The following BMP2K variants were observed in gnomAD, a reference collection of about 807,000 sequenced individuals.
BMP2K encodes the protein BMP-2-inducible protein kinase.
BMP2K carries 74 observed loss-of-function variants against 116.0 expected under a neutral mutation model. The observed-to-expected ratio is 0.64, with a 90% CI of 0.53 to 0.77. The LOEUF (loss-of-function observed/expected upper bound fraction) is 0.77. Ranked by LOEUF, BMP2K falls within the 30% of genes least tolerant of loss-of-function variation. The pLI is 0.00. For missense variants in BMP2K, 1,365 were observed against 1,403.6 expected, an observed-to-expected ratio of 0.97 and a Z score of 0.44; for synonymous variants, 486 against 502.5, an observed-to-expected ratio of 0.97 and a Z score of 0.44.
intron 4 of BMP2K, among the ~76,000 whole-genome samples, chr4:78,844,076 A>T (rs1730886140): frequency 6.6e-6 from 1 of 151,892 alleles, no homozygotes; most frequent in African/African-American, 2.4e-5. Context: ...TAAGACTATC[A>T]TAAAAATAAA....
At chr4:78,895,034 C>CA (rs1469734277) in intron 15 of BMP2K, among the ~76,000 whole-genome samples, 1 of 151,726 alleles carries the variant, frequency 6.6e-6, no homozygotes, top group African/African-American at 2.4e-5. Context: ...TTGTGGAGCC[C>CA]AAAACAATTA....
rs982285371 is a variant in BMP2K at position 78,791,501 on chromosome 4, A to G, written c.178+14780A>G. ...ATAATCATTTTTAAGTGTACAGTTT[A>G]GTGGCATCAAGTACATTCAAATTGT... On this transcript the variant is annotated intron_variant, in intron 1 of 15. Transcript: ENST00000502613. Among the ~76,000 whole-genome samples the G allele has an allele frequency of 2.0e-5, 3 of 152,056 alleles. No homozygotes were observed. In the East Asian group the frequency reaches 5.8e-4, roughly 29 times the overall value.
intron 10 of BMP2K, 34 bp from the exon 11 acceptor site, chr4:78,870,749 G>A (rs1732288787): frequency 6.4e-7 from 1 of 1,570,210 alleles, no homozygotes; most frequent in South Asian, 1.2e-5. Context: ...GAAATCATTA[G>A]TATGTTAATG....
At chr4:78,829,787 T>TTCTTTTCTTTTCTCTTCTCTTCTC (rs1730090588) in intron 2 of BMP2K, among the ~76,000 whole-genome samples, 2 of 86,592 alleles carry the variant, frequency 2.3e-5, no homozygotes, top group African/African-American at 8.4e-5. Context: ...TTTCTTTTCT[T>TTCTTTTCTTTTCTCTTCTCTTCTC]TTCTCTTCTC....
At chr4:78,824,710 T>C (rs1360018601) in intron 1 of BMP2K, among the ~76,000 whole-genome samples, 1 of 152,214 alleles carries the variant, frequency 6.6e-6, no homozygotes, top group Non-Finnish European at 1.5e-5. Flanking sequence ...TTATTATTGC[T>C]CAGGATGCTG....
intron 1 of BMP2K, among the ~76,000 whole-genome samples, chr4:78,823,524 A>G (rs188279786): frequency 2.7e-5 from 4 of 147,786 alleles, no homozygotes; most frequent in Non-Finnish European, 4.5e-5. Flanking sequence ...TTATATATAT[A>G]GTTATATATA....
At chr4:78,813,482 T>C (rs1393582992) in intron 1 of BMP2K, among the ~76,000 whole-genome samples, 1 of 152,216 alleles carries the variant, frequency 6.6e-6, no homozygotes, top group Non-Finnish European at 1.5e-5. Context: ...AATAAGACTT[T>C]GCATGATCTG....
intron 1 of BMP2K, among the ~76,000 whole-genome samples, chr4:78,806,058 C>T (rs896281368): frequency 5.3e-5 from 8 of 152,122 alleles, no homozygotes; most frequent in Admixed American, 4.6e-4. Context: ...ATCCTGAGAA[C>T]ATGAGCTCCT....
chr4:78,842,620 T>C (rs1175198461), intron 4 of BMP2K, 93 bp downstream of exon 4: 1 of 1,230,978 alleles, frequency 8.1e-7, no homozygotes, highest in African/African-American at 1.5e-5. Context: ...AAAACTGGCT[T>C]TGAGGTTGGT....
intron 3 of BMP2K, among the ~76,000 whole-genome samples, chr4:78,837,438 A>AC: frequency 6.6e-6 from 1 of 152,106 alleles, no homozygotes; most frequent in East Asian, 1.9e-4. Flanking sequence ...CAAGTGATCC[A>AC]CCTGCCTCGG....
chr4:78,833,947 G>T (rs1210569911), intron 3 of BMP2K, among the ~76,000 whole-genome samples: 1 of 152,164 alleles, frequency 6.6e-6, no homozygotes, highest in Non-Finnish European at 1.5e-5. Flanking sequence ...CAGGTACAGA[G>T]TTACAGTTCT....
At chr4:78,898,880 GT>G (rs1733849776) in intron 15 of BMP2K, 1 of 152,214 alleles carries the variant, frequency 6.6e-6, no homozygotes, top group Non-Finnish European at 1.5e-5. Flanking sequence ...TGTGCTTGTA[GT>G]CCCAGCTGCT....
chr4:78,799,252 G>C (rs890714378), intron 1 of BMP2K, among the ~76,000 whole-genome samples: 6 of 151,330 alleles, frequency 4.0e-5, no homozygotes, highest in Non-Finnish European at 5.9e-5. Context: ...AAAATAACTT[G>C]ATTGTCCGTT....
chr4:78,806,035 A>T (rs1226514836), intron 1 of BMP2K, among the ~76,000 whole-genome samples: 4 of 152,034 alleles, frequency 2.6e-5, no homozygotes, highest in Non-Finnish European at 5.9e-5. Context: ...GGCCTGTGAC[A>T]CATCCTCTAG....
intron 3 of BMP2K, among the ~76,000 whole-genome samples, chr4:78,838,797 C>G (rs1303865939): frequency 6.6e-6 from 1 of 152,052 alleles, no homozygotes; most frequent in Non-Finnish European, 1.5e-5. Flanking sequence ...CAATGTTTAC[C>G]ATCATCTTCT....
intron 2 of BMP2K, among the ~76,000 whole-genome samples, chr4:78,829,769 T>TCTTTTC: frequency 9.5e-6 from 1 of 105,386 alleles, no homozygotes; most frequent in African/African-American, 5.0e-5. Flanking sequence ...TCTTTTCTTT[T>TCTTTTC]CTTTTCTTTT....
At chr4:78,847,308 TA>T (rs779769085) in intron 6 of BMP2K, 39 bp downstream of exon 6, 3 of 1,451,660 alleles carry the variant, frequency 2.1e-6, no homozygotes, top group South Asian at 1.3e-5. Flanking sequence ...CTAACCAAAT[TA>T]AAAAATCTGA....
At chr4:78,852,552 C>G (rs1577927212) in intron 7 of BMP2K, among the ~76,000 whole-genome samples, 1 of 151,972 alleles carries the variant, frequency 6.6e-6, no homozygotes, top group South Asian at 2.1e-4. Flanking sequence ...ACTTACTTAC[C>G]TATAATGTAA....
At chr4:78,903,893 T>G (rs926806881) in intron 15 of BMP2K, among the ~76,000 whole-genome samples, 2 of 151,980 alleles carry the variant, frequency 1.3e-5, no homozygotes, top group Non-Finnish European at 2.9e-5. Flanking sequence ...ACTGGTAGTT[T>G]AATTGTAGAA....
Sources: allele counts gnomAD v4.1 joint callset (sites outside exome capture counted in the v4.1 genomes callset), GRCh38; gene constraint gnomAD v4.1.1; transcripts MANE v1.5; gene names NCBI Gene and HGNC (gene_info 2026-07-23, HGNC 2026-07-21).